The following ANKS1B variants were observed in gnomAD, a reference collection of about 807,000 sequenced individuals.
ANKS1B encodes ankyrin repeat and sterile alpha motif domain containing 1B.
Under a neutral mutation model 148.3 loss-of-function variants are expected in ANKS1B, and 36 were observed. The ratio of observed to expected loss-of-function variants is 0.24; its 90% CI spans 0.19 to 0.32. ANKS1B has a LOEUF of 0.32. ANKS1B is among the 10% of genes least tolerant of loss of function. The pLI is 1.00. For synonymous variants in ANKS1B, 542 were observed against 560.8 expected (o/e 0.97, Z 0.47); for missense variants, 1,157 against 1,542.6 (o/e 0.75, Z 4.19).
At position 99,307,963 on chromosome 12, in the gene ANKS1B, G is replaced by A. The variant is rs541909911; in HGVS notation, c.1757-61099C>T. Among the ~76,000 whole-genome samples, 10 of 152,018 alleles carry A rather than the reference G, an allele frequency of 6.6e-5. 1 individual carries two copies. Among genetic ancestry groups the A allele is most frequent in the South Asian group, 2.1e-4 (1 of 4,818 alleles). On this transcript the variant is annotated intron_variant, in intron 12 of 26. Transcript: ENST00000683438. The stretch of plus-strand genomic sequence containing the variant: ...AGTCTTTTCTATGGAGGACTCCCTC[G>A]ACTAATAGTTCAAACAACACAACAT...
chr12:99,577,665 C>T (rs891130744), intron 9 of ANKS1B, among the ~76,000 whole-genome samples: 1 of 151,944 alleles, frequency 6.6e-6, no homozygotes, highest in African/African-American at 2.4e-5. Context: ...CAAGACTGAA[C>T]CAGGAGGAAA....
intron 1 of ANKS1B, among the ~76,000 whole-genome samples, chr12:99,870,815 A>T (rs888395987): frequency 6.6e-6 from 1 of 152,090 alleles, no homozygotes. Flanking sequence ...TAGATTTTGG[A>T]TATTAAACAT....
At position 99,380,532 on chromosome 12, in the gene ANKS1B, A is replaced by C. The variant is rs1474250734; in HGVS notation, c.1756+19099T>G. On this transcript the variant is annotated intron_variant, in intron 12 of 26. Coordinates refer to ENST00000683438, the MANE Select transcript of ANKS1B (RefSeq NM_001352186.2). Reference sequence around the variant, plus strand: ...TTAATAAAGAAGGCTAAAAAGAGTCAGTTGTTAAATAGGCAATGGGAAACC... The same window carrying C: ...TTAATAAAGAAGGCTAAAAAGAGTCCGTTGTTAAATAGGCAATGGGAAACC... Among the ~76,000 whole-genome samples the C allele has an allele frequency of 2.0e-5, 3 of 152,212 alleles. No homozygotes were observed. The East Asian group carries it at 5.8e-4, about 29-fold the overall frequency.
At chr12:98,738,929 C>T (rs2097785643) in intron 9 of ANKS1B, among the ~76,000 whole-genome samples, 2 of 152,206 alleles carry the variant, frequency 1.3e-5, no homozygotes, top group Non-Finnish European at 2.9e-5. Context: ...TCTGGAGACA[C>T]ACCAAGTCTT....
At chr12:99,166,488 A>G (rs1256186099) in intron 14 of ANKS1B, among the ~76,000 whole-genome samples, 1 of 151,968 alleles carries the variant, frequency 6.6e-6, no homozygotes, top group Non-Finnish European at 1.5e-5. Flanking sequence ...AACAATAAAC[A>G]ATTGGAATTT....
At chr12:99,924,797 C>G (rs984883670) in intron 1 of ANKS1B, among the ~76,000 whole-genome samples, 1 of 152,112 alleles carries the variant, frequency 6.6e-6, no homozygotes, top group Admixed American at 6.5e-5. Context: ...TGTTTATAAG[C>G]CACTCAGTCA....
chr12:98,943,288 C>A (rs945736079), intron 17 of ANKS1B, among the ~76,000 whole-genome samples: 1 of 152,202 alleles, frequency 6.6e-6, no homozygotes, highest in Non-Finnish European at 1.5e-5. Context: ...AAACTCAAGG[C>A]TATTTCAGTA....
intron 17 of ANKS1B, among the ~76,000 whole-genome samples, chr12:98,923,810 A>G (rs2099804525): frequency 6.6e-6 from 1 of 152,214 alleles, no homozygotes; most frequent in African/African-American, 2.4e-5. Context: ...TAGTTCCCTC[A>G]GTCATAGCCA....
chr12:99,074,247 G>A (rs1243525503), intron 16 of ANKS1B, among the ~76,000 whole-genome samples: 2 of 151,216 alleles, frequency 1.3e-5, no homozygotes, highest in African/African-American at 4.9e-5. Context: ...CTATTTCTCT[G>A]TAAATATCAG....
chr12:98,852,014 C>A (rs1230030404), intron 17 of ANKS1B, among the ~76,000 whole-genome samples: 1 of 98,184 alleles, frequency 1.0e-5, no homozygotes, highest in Non-Finnish European at 1.8e-5. Flanking sequence ...CAGAGCGAGA[C>A]TCCATCTCAA....
intron 12 of ANKS1B, among the ~76,000 whole-genome samples, chr12:99,319,837 TC>T (rs1202930910): frequency 6.6e-6 from 1 of 152,228 alleles, no homozygotes; most frequent in African/African-American, 2.4e-5. Flanking sequence ...TACCGGTTGT[TC>T]CTTTCCATGT....
At chr12:99,028,698 T>C (rs766754478) in intron 17 of ANKS1B, among the ~76,000 whole-genome samples, 3 of 152,364 alleles carry the variant, frequency 2.0e-5, no homozygotes, top group South Asian at 2.1e-4. Context: ...ACAATAACCA[T>C]AGCTGTACAA....
intron 1 of ANKS1B, among the ~76,000 whole-genome samples, chr12:99,860,735 T>G (rs1474851800): frequency 6.6e-6 from 1 of 152,128 alleles, no homozygotes; most frequent in African/African-American, 2.4e-5. Context: ...CTAAGTCTAA[T>G]GGGTAAAATA....
At chr12:99,465,801 A>G (rs913869048) in intron 10 of ANKS1B, among the ~76,000 whole-genome samples, 12 of 152,030 alleles carry the variant, frequency 7.9e-5, no homozygotes, top group East Asian at 5.8e-4. Context: ...AGCAAGTCCT[A>G]AGTGACCTAC....
intron 12 of ANKS1B, among the ~76,000 whole-genome samples, chr12:99,342,382 G>T (rs1177483489): frequency 5.3e-5 from 8 of 151,942 alleles, no homozygotes; most frequent in African/African-American, 1.9e-4. Context: ...GAGATGTCCT[G>T]GAGGTTGAAA....
intron 12 of ANKS1B, among the ~76,000 whole-genome samples, chr12:99,387,372 C>T (rs994734717): frequency 2.6e-5 from 4 of 152,112 alleles, no homozygotes; most frequent in Non-Finnish European, 4.4e-5. Flanking sequence ...AATCCCAGCA[C>T]TTTGGGAGGC....
intron 17 of ANKS1B, among the ~76,000 whole-genome samples, chr12:98,955,484 C>A (rs977162422): frequency 6.6e-6 from 1 of 152,026 alleles, no homozygotes. Context: ...TGAGAAAAGC[C>A]AGAAGGGGGA....
intron 9 of ANKS1B, among the ~76,000 whole-genome samples, chr12:99,508,495 C>CTT (rs2096733893): frequency 6.6e-6 from 1 of 151,198 alleles, no homozygotes; most frequent in Admixed American, 6.6e-5. Context: ...TTCTGTAAAT[C>CTT]TTATTAAAAT....
chr12:98,765,041 C>T (rs1289706420), intron 25 of ANKS1B, among the ~76,000 whole-genome samples: 1 of 152,176 alleles, frequency 6.6e-6, no homozygotes, highest in Non-Finnish European at 1.5e-5. Flanking sequence ...AAACATATGT[C>T]GTGAATCAAA....
Sources: allele counts gnomAD v4.1 joint callset (sites outside exome capture counted in the v4.1 genomes callset), GRCh38; gene constraint gnomAD v4.1.1; transcripts MANE v1.5; gene names NCBI Gene and HGNC (gene_info 2026-07-23, HGNC 2026-07-21).